TNS1: variants seen among roughly 807,000 people sequenced by gnomAD.
The protein encoded by TNS1 is tensin 1.
In TNS1, 62 loss-of-function variants were observed where a neutral mutation model predicts 168.6. The observed-to-expected ratio is 0.37, with a 90% CI of 0.30 to 0.45. The LOEUF (loss-of-function observed/expected upper bound fraction) is 0.45, where lower values mean the gene tolerates loss of function less well. TNS1 is among the 20% of genes least tolerant of loss of function. The pLI is 1.00. For synonymous variants in TNS1, 934 were observed against 933.2 expected, an observed-to-expected ratio of 1.00 and a Z score of -0.02; for missense variants, 2,240 against 2,339.4, an observed-to-expected ratio of 0.96 and a Z score of 0.88.
chr2:217,854,479 T>A (rs1312002357), intron 18 of TNS1, among the ~76,000 whole-genome samples: 1 of 152,122 alleles, frequency 6.6e-6, no homozygotes, highest in Non-Finnish European at 1.5e-5. Flanking sequence ...AACAATTCAT[T>A]AAAATGCATT....
intron 3 of TNS1, among the ~76,000 whole-genome samples, chr2:217,925,056 G>A (rs559040534): frequency 6.6e-6 from 1 of 152,176 alleles, no homozygotes; most frequent in South Asian, 2.1e-4. Flanking sequence ...GCTCATAATC[G>A]TTATACCAGT....
intron 24 of TNS1, among the ~76,000 whole-genome samples, 174 bp downstream of exon 24, chr2:217,817,516 G>A (rs150172960): frequency 1.6e-3 from 238 of 152,262 alleles, no homozygotes; most frequent in African/African-American, 5.5e-3. Context: ...CACACGTATC[G>A]TAAGGATACC....
At chr2:217,846,430 T>C (rs1349819601) in intron 19 of TNS1, among the ~76,000 whole-genome samples, 6 of 152,138 alleles carry the variant, frequency 3.9e-5, no homozygotes, top group Non-Finnish European at 7.4e-5. Context: ...TCCCTGCAGC[T>C]GGCATGGTGA....
chr2:217,979,801 G>T (rs554644000), intron 2 of TNS1, among the ~76,000 whole-genome samples: 78 of 152,198 alleles, frequency 5.1e-4, no homozygotes, highest in African/African-American at 1.8e-3. Flanking sequence ...TCTGGTTAGA[G>T]AACTGGGGAG....
At position 217,977,429 on chromosome 2, in the gene TNS1, C is replaced by T. The variant is rs1231142731; in HGVS notation, c.186+1336G>A. Among the ~76,000 whole-genome samples, 5 of 152,206 alleles carry T rather than the reference C, an allele frequency of 3.3e-5. No individual in the cohort carries two copies. The East Asian group carries it at 5.8e-4, about 18-fold the overall frequency. On this transcript the variant is annotated intron_variant, in intron 3 of 32. Coordinates refer to ENST00000682258, the MANE Select transcript of TNS1 (RefSeq NM_001387777.1). ...CCAAGCTGGAGTCTACAGATGGAGA[C>T]GCCCTCCAGCAAGGTGTGTGCTCGG...
intron 4 of TNS1, among the ~76,000 whole-genome samples, chr2:217,913,858 AC>A (rs1445768730): frequency 1.3e-5 from 2 of 151,906 alleles, no homozygotes; most frequent in Non-Finnish European, 2.9e-5. Flanking sequence ...CCATTCCTGC[AC>A]CCACACTGCT....
At chr2:217,996,358 T>C (rs1439022618) in intron 1 of TNS1, among the ~76,000 whole-genome samples, 1 of 152,134 alleles carries the variant, frequency 6.6e-6, no homozygotes, top group Non-Finnish European at 1.5e-5. Flanking sequence ...ACCCTTAGGC[T>C]GGGAGGCCTG....
intron 3 of TNS1, among the ~76,000 whole-genome samples, chr2:217,974,798 G>A (rs535643790): frequency 1.2e-4 from 19 of 152,200 alleles, no homozygotes; most frequent in South Asian, 2.1e-4. Context: ...TCTGATTCCC[G>A]TACCCTGCCC....
intron 3 of TNS1, among the ~76,000 whole-genome samples, chr2:217,922,867 C>T (rs1173261652): frequency 6.6e-6 from 1 of 152,256 alleles, no homozygotes; most frequent in African/African-American, 2.4e-5. Flanking sequence ...CGCCCACAGC[C>T]GTGCATTCCA....
At position 217,818,164 on chromosome 2, in the gene TNS1, C is replaced by T. The variant is rs148106119; in HGVS notation, c.4168G>A (p.Gly1390Ser). ...PGAHQGNLAS[G>S]LHSNAIASPG... Reference sequence around the variant, plus strand: ...CTGGCTATTGCATTGCTATGAAGACCGGAGGCCAGGTTGCCTTGGTGAGCC... The same window carrying T: ...CTGGCTATTGCATTGCTATGAAGACTGGAGGCCAGGTTGCCTTGGTGAGCC... Residue 1390 changes from glycine to serine, a missense_variant, in exon 24 of 33, where the codon GGT (glycine) becomes AGT (serine). Gly to Ser is a moderately conservative substitution (Grantham distance 56, BLOSUM62 0). Coordinates refer to ENST00000682258, the MANE Select transcript of TNS1 (RefSeq NM_001387777.1). 72 of 1,613,782 alleles carry T rather than the reference C, an allele frequency of 4.5e-5. No homozygotes were observed. The highest frequency in any genetic ancestry group is 5.7e-5 in the Non-Finnish European group (67 of 1,179,954).
intron 1 of TNS1, among the ~76,000 whole-genome samples, chr2:218,027,358 T>A (rs1311694766): frequency 1.3e-5 from 2 of 151,918 alleles, no homozygotes; most frequent in Non-Finnish European, 2.9e-5. Context: ...CAGCTTCTGA[T>A]CCTGCCTCTC....
chr2:217,892,203 G>A (rs182305964), intron 11 of TNS1, among the ~76,000 whole-genome samples: 1 of 152,248 alleles, frequency 6.6e-6, no homozygotes, highest in Non-Finnish European at 1.5e-5. Context: ...AGATTCAAGG[G>A]ATTCTCCTGC....
intron 4 of TNS1, among the ~76,000 whole-genome samples, chr2:217,919,575 C>T (rs1007716827): frequency 2.0e-5 from 3 of 152,344 alleles, no homozygotes; most frequent in Admixed American, 6.5e-5. Flanking sequence ...AGGAAGAGTG[C>T]CCAGTGTGCC....
chr2:217,922,265 C>G (rs1005564437), intron 3 of TNS1, among the ~76,000 whole-genome samples: 1 of 152,188 alleles, frequency 6.6e-6, no homozygotes, highest in Non-Finnish European at 1.5e-5. Context: ...CACTGCTGTC[C>G]CTGCCAAGCA....
chr2:217,942,777 C>T (rs996238486), intron 3 of TNS1, among the ~76,000 whole-genome samples: 2 of 151,986 alleles, frequency 1.3e-5, no homozygotes, highest in African/African-American at 2.4e-5. Flanking sequence ...CAACCGCCTG[C>T]CTGCCTGCCC....
chr2:218,003,930 G>A (rs1265177401), upstream of TNS1, among the ~76,000 whole-genome samples: 2 of 152,064 alleles, frequency 1.3e-5, no homozygotes, highest in Non-Finnish European at 2.9e-5. Context: ...GGGTCTAGAG[G>A]GTGGAAAGGA....
Position 217,880,949 on chromosome 2 carries a change from G to T in TNS1, c.1378C>A (p.Arg460Ser). The change falls in exon 18 of 33, where the codon CGC becomes AGC. Residue 460 changes from arginine to serine, a missense_variant. Coordinates refer to ENST00000682258, the MANE Select transcript of TNS1 (RefSeq NM_001387777.1). The surrounding 1 kb of genome is among the most constrained non-coding windows in gnomAD (Gnocchi z 4.2). ...CTGAAGTTGTCGTAGGAGTCCCAGC[G>T]GATGAGGGGGTCGGAGGTGTTATAG... ...VDYNTSDPLI[R>S]WDSYDNFSGH... The T allele has an allele frequency of 1.2e-6, 2 of 1,614,112 alleles. No homozygotes were observed. Among genetic ancestry groups the T allele is most frequent in the Non-Finnish European group, 1.7e-6 (2 of 1,180,026 alleles).
intron 6 of TNS1, among the ~76,000 whole-genome samples, chr2:217,905,062 G>A (rs867814408): frequency 3.9e-5 from 6 of 152,166 alleles, no homozygotes; most frequent in African/African-American, 7.2e-5. Flanking sequence ...CAGGAGGATC[G>A]CAAAACACCC....
At chr2:217,875,587 C>G (rs1950142450) in intron 18 of TNS1, among the ~76,000 whole-genome samples, 1 of 152,126 alleles carries the variant, frequency 6.6e-6, no homozygotes, top group South Asian at 2.1e-4. Context: ...CTCTCCATGT[C>G]TCTCATCTAT....
Sources: gnomAD v4.1 joint callset for allele counts (sites outside exome capture counted in the v4.1 genomes callset) on GRCh38, gnomAD v4.1.1 for gene constraint, Gnocchi (gnomAD v3.1) non-coding constraint, MANE v1.5 for transcripts, NCBI Gene and HGNC (gene_info 2026-07-23, HGNC 2026-07-21) for gene names.